Variants in ZFPM2 observed in about 807,000 individuals in gnomAD.
ZFPM2 encodes zinc finger protein, FOG family member 2.
Under a neutral mutation model 98.6 loss-of-function variants are expected in ZFPM2, and 20 were observed. That is an observed-to-expected ratio of 0.20 (90% CI 0.14 to 0.29). ZFPM2 has a LOEUF of 0.29. Ranked by LOEUF, ZFPM2 falls within the 10% of genes least tolerant of loss-of-function variation. The pLI is 1.00. For synonymous variants in ZFPM2, 518 were observed against 502.7 expected, an observed-to-expected ratio of 1.03 and a Z score of -0.41; for missense variants, 1,310 against 1,388.6, an observed-to-expected ratio of 0.94 and a Z score of 0.90.
At chr8:105,709,877 T>C (rs1409502619) in intron 5 of ZFPM2, among the ~76,000 whole-genome samples, 1 of 152,076 alleles carries the variant, frequency 6.6e-6, no homozygotes, top group Non-Finnish European at 1.5e-5. Flanking sequence ...TCAGACCCAT[T>C]TCAGAGGGGT....
At chr8:105,649,641 C>T (rs867800420) in intron 5 of ZFPM2, among the ~76,000 whole-genome samples, 23 of 152,174 alleles carry the variant, frequency 1.5e-4, no homozygotes, top group African/African-American at 4.1e-4. Context: ...GAGATAGTCA[C>T]GTGGTTTTTG....
intron 1 of ZFPM2, among the ~76,000 whole-genome samples, chr8:105,371,630 T>C (rs1015736072): frequency 2.0e-5 from 3 of 152,194 alleles, no homozygotes; most frequent in Non-Finnish European, 2.9e-5. Flanking sequence ...AGGAAATTTG[T>C]AAATGAACAG....
chr8:105,482,529 G>A (rs1012921011), intron 3 of ZFPM2, among the ~76,000 whole-genome samples: 8 of 151,846 alleles, frequency 5.3e-5, no homozygotes, highest in Admixed American at 3.9e-4. Context: ...CTTCTTTTAT[G>A]TCAACTTTTA....
chr8:105,506,238 T>G (rs2130489815), intron 3 of ZFPM2, among the ~76,000 whole-genome samples: 1 of 152,304 alleles, frequency 6.6e-6, no homozygotes, highest in South Asian at 2.1e-4. Context: ...AGAGAAGGAT[T>G]ATACTCAACC....
chr8:105,694,450 C>A (rs1162283500), intron 5 of ZFPM2, among the ~76,000 whole-genome samples: 1 of 152,086 alleles, frequency 6.6e-6, no homozygotes, highest in East Asian at 1.9e-4. Context: ...TTGAATCATT[C>A]TACCATAAAA....
chr8:105,474,714 C>A (rs1262222151), intron 3 of ZFPM2, among the ~76,000 whole-genome samples: 1 of 152,142 alleles, frequency 6.6e-6, no homozygotes, highest in African/African-American at 2.4e-5. Context: ...TAGTAATTTG[C>A]AAACCTAATA....
At chr8:105,752,876 A>C (rs2131056195) in intron 5 of ZFPM2, among the ~76,000 whole-genome samples, 1 of 152,268 alleles carries the variant, frequency 6.6e-6, no homozygotes, top group South Asian at 2.1e-4. Flanking sequence ...TTTCATTAGG[A>C]CACTGGAACA....
intron 1 of ZFPM2, among the ~76,000 whole-genome samples, chr8:105,321,392 G>A (rs1586290145): frequency 6.6e-6 from 1 of 152,288 alleles, no homozygotes; most frequent in East Asian, 1.9e-4. Flanking sequence ...GAGAATCTCA[G>A]AAAGCTATGC....
intron 1 of ZFPM2, among the ~76,000 whole-genome samples, chr8:105,356,174 G>A (rs1043835754): frequency 2.0e-5 from 3 of 152,136 alleles, no homozygotes; most frequent in African/African-American, 4.8e-5. Context: ...ACTTTCTTTA[G>A]TAAAGGATAA....
Position 105,510,172 on chromosome 8 carries a change from A to G in ZFPM2, c.302-51191A>G, listed in dbSNP as rs541636548. ...CTTACCCTTCTTTTTCCTTTGCTAC[A>G]GCAGAACCATGATTACAGCCTTGTA... On this transcript the variant is annotated intron_variant, in intron 3 of 7. Coordinates refer to ENST00000407775, the MANE Select transcript of ZFPM2 (RefSeq NM_012082.4). Among the ~76,000 whole-genome samples, 96 of 152,304 alleles carry G rather than the reference A, an allele frequency of 6.3e-4. 1 individual carries two copies. The highest frequency in any genetic ancestry group is 2.2e-3 in the African/African-American group (90 of 41,560).
intron 4 of ZFPM2, among the ~76,000 whole-genome samples, chr8:105,582,734 C>A (rs912065178): frequency 4.6e-5 from 7 of 152,126 alleles, no homozygotes; most frequent in African/African-American, 1.7e-4. Context: ...GCTGGGACCA[C>A]AAGCATGTGC....
intron 5 of ZFPM2, among the ~76,000 whole-genome samples, chr8:105,775,163 G>T (rs1813072210): frequency 2.0e-5 from 3 of 151,798 alleles, no homozygotes; most frequent in Non-Finnish European, 4.4e-5. Flanking sequence ...TCAGCTTGGT[G>T]CTTGGGGGGT....
intron 3 of ZFPM2, among the ~76,000 whole-genome samples, chr8:105,503,481 TG>T (rs1168392262): frequency 6.6e-6 from 1 of 151,978 alleles, no homozygotes; most frequent in South Asian, 2.1e-4. Flanking sequence ...AAATAGTCTA[TG>T]GAAAAAAACA....
chr8:105,487,494 T>C (rs1185763317), intron 3 of ZFPM2, among the ~76,000 whole-genome samples: 4 of 152,304 alleles, frequency 2.6e-5, no homozygotes, highest in Admixed American at 2.6e-4. Flanking sequence ...TCCATGGTTC[T>C]ACAGAACACG....
chr8:105,796,089 A>C (rs1299018092), intron 6 of ZFPM2, among the ~76,000 whole-genome samples: 2 of 152,210 alleles, frequency 1.3e-5, no homozygotes, highest in East Asian at 1.9e-4. Flanking sequence ...ATTACTGTGC[A>C]TTCAATCAAT....
intron 3 of ZFPM2, among the ~76,000 whole-genome samples, chr8:105,474,920 T>C (rs1358035366): frequency 6.6e-6 from 1 of 152,220 alleles, no homozygotes; most frequent in Non-Finnish European, 1.5e-5. Context: ...AAACCCACTT[T>C]CTGAGCCTTA....
At chr8:105,353,380 A>G (rs1027831590) in intron 1 of ZFPM2, among the ~76,000 whole-genome samples, 1 of 152,088 alleles carries the variant, frequency 6.6e-6, no homozygotes, top group Non-Finnish European at 1.5e-5. Context: ...CCATATTCTG[A>G]TATTTTTTTC....
chr8:105,352,845 C>T (rs553041385), intron 1 of ZFPM2, among the ~76,000 whole-genome samples: 60 of 152,162 alleles, frequency 3.9e-4, no homozygotes, highest in African/African-American at 1.4e-3. Flanking sequence ...GCCTGCCTGC[C>T]TACCTGCCTG....
chr8:105,775,406 G>C (rs1005837797), intron 5 of ZFPM2, among the ~76,000 whole-genome samples: 2 of 152,024 alleles, frequency 1.3e-5, no homozygotes, highest in Non-Finnish European at 2.9e-5. Context: ...CGTAATGAAA[G>C]TGTGGAATGC....
Sources: gnomAD v4.1 joint callset for allele counts (sites outside exome capture counted in the v4.1 genomes callset) on GRCh38, gnomAD v4.1.1 for gene constraint, MANE v1.5 for transcripts, NCBI Gene and HGNC (gene_info 2026-07-23, HGNC 2026-07-21) for gene names.